The following CACNB2 variants were observed in gnomAD, a reference collection of about 807,000 sequenced individuals.
The protein encoded by CACNB2 is calcium voltage-gated channel auxiliary subunit beta 2.
A neutral mutation model predicts 73.3 loss-of-function variants in CACNB2; 42 were observed. That is an observed-to-expected ratio of 0.57 (90% CI 0.45 to 0.74). The LOEUF is 0.74. Ranked by LOEUF, CACNB2 falls within the 30% of genes least tolerant of loss-of-function variation. The pLI, the probability that CACNB2 is intolerant of heterozygous loss-of-function variation, is 0.00. For synonymous variants in CACNB2, 348 were observed against 310.3 expected (o/e 1.12, Z -1.28); for missense variants, 940 against 853.0 (o/e 1.10, Z -1.27).
chr10:18,317,084 C>T (rs1190732397), intron 2 of CACNB2, among the ~76,000 whole-genome samples: 3 of 152,108 alleles, frequency 2.0e-5, no homozygotes, highest in Non-Finnish European at 2.9e-5. Context: ...AAACTTACAG[C>T]TGTCTCCCCA....
intron 2 of CACNB2, among the ~76,000 whole-genome samples, chr10:18,296,950 G>A (rs2039304621): frequency 6.6e-6 from 1 of 152,176 alleles, no homozygotes; most frequent in Non-Finnish European, 1.5e-5. Flanking sequence ...TGTAAAATGA[G>A]GATAATAACA....
intron 2 of CACNB2, among the ~76,000 whole-genome samples, chr10:18,246,940 T>A (rs537520802): frequency 1.4e-4 from 21 of 152,170 alleles, no homozygotes; most frequent in African/African-American, 5.1e-4. Flanking sequence ...CTAGCCCGAA[T>A]AAGTAGTTTT....
chr10:18,536,053 T>C (rs376026888), intron 11 of CACNB2, 48 bp from the exon 12 acceptor site: 31 of 1,129,230 alleles, frequency 2.7e-5, no homozygotes, highest in Admixed American at 1.9e-4. Flanking sequence ...CCTTGTACTT[T>C]ACCTGGATGT....
chr10:18,364,306 T>A (rs1421194830), intron 2 of CACNB2, among the ~76,000 whole-genome samples: 1 of 151,814 alleles, frequency 6.6e-6, no homozygotes, highest in South Asian at 2.1e-4. Flanking sequence ...ACTAATTTTT[T>A]TTTTTTTTCT....
intron 10 of CACNB2, among the ~76,000 whole-genome samples, chr10:18,531,430 GATTCCAC>G: frequency 6.6e-6 from 1 of 152,210 alleles, no homozygotes; most frequent in East Asian, 1.9e-4. Flanking sequence ...CCTTTAGGTT[GATTCCAC>G]ATCTTTGCTA....
At chr10:18,448,854 G>C (rs1367061005) in intron 3 of CACNB2, among the ~76,000 whole-genome samples, 1 of 152,212 alleles carries the variant, frequency 6.6e-6, no homozygotes, top group Non-Finnish European at 1.5e-5. Context: ...AGTTAGAAGA[G>C]AGATGACAGT....
At chr10:18,474,478 G>A (rs146278227) in intron 3 of CACNB2, among the ~76,000 whole-genome samples, 5 of 152,270 alleles carry the variant, frequency 3.3e-5, no homozygotes, top group Admixed American at 6.5e-5. Context: ...GTGCAATTAG[G>A]CAATCAGCAT....
rs550401837 is a variant in CACNB2, at chr10:18,466,613, G to T, written c.334-31742G>T. ...GTGTTTTGGCAGATGTAAGAAAATTGATTTCGTTTGTAGCTGTTAATTTGA... is the reference window on the plus strand; with the variant it reads ...GTGTTTTGGCAGATGTAAGAAAATTTATTTCGTTTGTAGCTGTTAATTTGA... On this transcript the variant is annotated intron_variant, in intron 3 of 13. Transcript: ENST00000324631. Among the ~76,000 whole-genome samples the T allele has an allele frequency of 3.9e-5, 6 of 152,214 alleles. No homozygotes were observed. The South Asian group carries it at 1.2e-3, about 32-fold the overall frequency.
rs564710503 is a variant in CACNB2 at position 18,403,023 on chromosome 10, A to G, written c.333+980A>G. On this transcript the variant is annotated intron_variant, in intron 3 of 13. Transcript: ENST00000324631. ...ACAGCCCTTATGTAATACATTATTC[A>G]TGACCTCTAGTGCGGCTGCCATCAT... Among the ~76,000 whole-genome samples the G allele has an allele frequency of 1.5e-4, 23 of 152,278 alleles. 2 individuals carry two copies. In the South Asian group the frequency reaches 4.6e-3, roughly 30 times the overall value.
At chr10:18,148,268 A>C (rs983502243) in intron 1 of CACNB2, among the ~76,000 whole-genome samples, 20 of 152,210 alleles carry the variant, frequency 1.3e-4, no homozygotes, top group Non-Finnish European at 2.9e-4. Flanking sequence ...ATCATCCCTT[A>C]TACACTTAAG....
chr10:18,146,823 A>G (rs2131009410), intron 1 of CACNB2, among the ~76,000 whole-genome samples: 1 of 152,204 alleles, frequency 6.6e-6, no homozygotes, highest in South Asian at 2.1e-4. Flanking sequence ...GGGTTTCGCC[A>G]TGTTGGCCAG....
At chr10:18,384,493 A>G (rs529149423) in intron 2 of CACNB2, among the ~76,000 whole-genome samples, 31 of 152,216 alleles carry the variant, frequency 2.0e-4, no homozygotes, top group African/African-American at 6.5e-4. Context: ...TGGGAAGCCA[A>G]TGGGGGTAGA....
chr10:18,203,876 A>G (rs542655573), intron 2 of CACNB2, among the ~76,000 whole-genome samples: 279 of 152,264 alleles, frequency 1.8e-3, no homozygotes, highest in Non-Finnish European at 3.1e-3. Context: ...TTCACAATCC[A>G]TGTTTCTCTG....
chr10:18,367,923 T>G (rs1213229688), intron 2 of CACNB2, among the ~76,000 whole-genome samples: 1 of 152,208 alleles, frequency 6.6e-6, no homozygotes, highest in African/African-American at 2.4e-5. Flanking sequence ...ATTCTAAGTT[T>G]GACTGTTAAG....
At chr10:18,337,322 G>A (rs1468648445) in intron 2 of CACNB2, among the ~76,000 whole-genome samples, 2 of 152,064 alleles carry the variant, frequency 1.3e-5, no homozygotes, top group African/African-American at 4.8e-5. Flanking sequence ...GGCTGGTCTT[G>A]AACTCTTGAG....
intron 2 of CACNB2, among the ~76,000 whole-genome samples, chr10:18,187,585 C>T (rs1275234109): frequency 6.6e-6 from 1 of 150,552 alleles, no homozygotes; most frequent in Non-Finnish European, 1.5e-5. Context: ...TTATATTTTT[C>T]TTTTTTTTTA....
intron 2 of CACNB2, among the ~76,000 whole-genome samples, chr10:18,310,064 C>T (rs1443909868): frequency 2.6e-5 from 4 of 152,130 alleles, no homozygotes; most frequent in African/African-American, 7.2e-5. Flanking sequence ...TGTGTAAATA[C>T]TCAGTTACAG....
intron 2 of CACNB2, among the ~76,000 whole-genome samples, chr10:18,162,494 T>G (rs1471715551): frequency 6.6e-6 from 1 of 152,212 alleles, no homozygotes; most frequent in East Asian, 1.9e-4. Flanking sequence ...CTTTTCAAGG[T>G]CTGATTTCCA....
chr10:18,362,981 C>G (rs6482356), intron 2 of CACNB2, among the ~76,000 whole-genome samples: 82,267 of 151,900 alleles, frequency 0.54, 22,939 homozygotes, highest in East Asian at 0.95. Flanking sequence ...CATTAAGTGA[C>G]TTCATTAACT....
Sources: allele counts gnomAD v4.1 joint callset (sites outside exome capture counted in the v4.1 genomes callset), GRCh38; gene constraint gnomAD v4.1.1; transcripts MANE v1.5; gene names NCBI Gene and HGNC (gene_info 2026-07-23, HGNC 2026-07-21).